TEPSIN: variants seen among roughly 807,000 people sequenced by gnomAD.
TEPSIN encodes the protein TEPSIN adaptor related protein complex 4 accessory protein.
Under a neutral mutation model 48.5 loss-of-function variants are expected in TEPSIN, and 50 were observed. The ratio of observed to expected loss-of-function variants is 1.03; its 90% CI spans 0.82 to 1.31. TEPSIN has a LOEUF of 1.31. Among genes scored for constraint, TEPSIN ranks in the 50% most tolerant of loss-of-function variants. TEPSIN has a pLI of 0.00. For missense variants in TEPSIN, 838 were observed against 815.9 expected (o/e 1.03, Z -0.33); for synonymous variants, 392 against 358.8 (o/e 1.09, Z -1.05).
chr17:81,230,906 GC>G lies in TEPSIN; in HGVS notation c.1099-229del. ...TACACCCCCGCTCCCAGACACCAGA[GC>G]CCTGTCTTCACCGCCTTACACCCCA... On this transcript the variant is annotated intron_variant, in intron 11 of 12. Coordinates refer to ENST00000637944, the MANE Select transcript of TEPSIN (RefSeq NM_001363764.2). This position sits in a 1 kb window ranked among gnomAD's most constrained non-coding sequence, Gnocchi z 4.2. 1.7e-6 allele frequency: 1 copy of G among 581,766 alleles called. No homozygotes were observed. The highest frequency in any genetic ancestry group is 2.9e-6 in the Non-Finnish European group (1 of 342,544). 36.0% of individuals were successfully genotyped at this position (581,766 alleles called of 1,614,324 possible).
rs1382641407 is a variant in TEPSIN, at chr17:81,229,190, G to A, written c.1520C>T (p.Ala507Val). The change falls in exon 13 of 13, where the codon GCA becomes GTA. Residue 507 changes from alanine to valine, a missense_variant. Coordinates refer to ENST00000637944, the MANE Select transcript of TEPSIN (RefSeq NM_001363764.2). ...GDPSEAEARL[A>V]ESRRWRPERI... ...TTCAGGTCTCCACCGCCTGCTTTCTGCCAGTCTGGCCTCGGCCTCGCTGGG... is the reference window on the plus strand; with the variant it reads ...TTCAGGTCTCCACCGCCTGCTTTCTACCAGTCTGGCCTCGGCCTCGCTGGG... 6.6e-7 allele frequency: 1 copy of A among 1,516,830 alleles called. No homozygotes were observed. 94.0% of individuals were successfully genotyped at this position (1,516,830 alleles called of 1,614,324 possible).
Position 81,228,380 on chromosome 17 carries a change from G to A in TEPSIN, c.*548C>T, listed in dbSNP as rs1174759334. ...CTCCAATCAGAGGCTTCGTGTGTAG[G>A]AAGCAATTACAGCCTAAAGGAGCAG... On this transcript the variant is annotated 3_prime_UTR_variant, in exon 13 of 13. Coordinates refer to ENST00000637944, the MANE Select transcript of TEPSIN (RefSeq NM_001363764.2). 6.2e-6 allele frequency: 1 copy of A among 161,030 alleles called. No homozygotes were observed. Among genetic ancestry groups the A allele is most frequent in the Non-Finnish European group, 1.3e-5 (1 of 74,480 alleles). The allele number at this position is 161,030 out of a possible 1,614,324, so 10.0% of individuals were successfully genotyped here. A position where few individuals can be genotyped will look rare whatever the true frequency, so the allele number is the denominator to read the frequency against.
Position 81,237,129 on chromosome 17 carries a change from G to A in TEPSIN, c.122-58C>T, listed in dbSNP as rs550987381. 2.5e-5 allele frequency: 38 copies of A among 1,510,186 alleles called. No homozygotes were observed. In the South Asian group the frequency reaches 3.6e-4, roughly 14 times the overall value. The allele number at this position is 1,510,186 out of a possible 1,614,324, so 93.5% of individuals were successfully genotyped here. A position where few individuals can be genotyped will look rare whatever the true frequency, so the allele number is the denominator to read the frequency against. On this transcript the variant is annotated intron_variant, in intron 2 of 12. Transcript: ENST00000637944. ...TGATGAGGGCTGCGCCAGGCCGCAGGGAGACCAGGCCATGGGGCCTCTCAG... is the reference window on the plus strand; with the variant it reads ...TGATGAGGGCTGCGCCAGGCCGCAGAGAGACCAGGCCATGGGGCCTCTCAG...
In TEPSIN at chr17:81,232,305, G is replaced by A. The variant is rs1276730361; in HGVS notation, c.730+10C>T. On this transcript the variant is annotated intron_variant, in intron 8 of 12. Transcript: ENST00000637944. ...CCAGACCCCAAGGGGAGGAGCCCTC[G>A]CCTCGATACCTCGGGGACCTGGAAT... 2.2e-5 allele frequency: 34 copies of A among 1,516,748 alleles called. No homozygotes were observed. Among genetic ancestry groups the A allele is most frequent in the Non-Finnish European group, 2.6e-5 (30 of 1,133,984 alleles). 94.0% of individuals were successfully genotyped at this position (1,516,748 alleles called of 1,614,324 possible).
In TEPSIN at chr17:81,230,832, C is replaced by A. The variant is rs112096627; in HGVS notation, c.1099-154G>T. 2,250 of 957,972 alleles carry A rather than the reference C, an allele frequency of 2.3e-3. 45 individuals are homozygous for A. In the African/African-American group the frequency reaches 0.035, roughly 15 times the overall value. 59.3% of individuals were successfully genotyped at this position (957,972 alleles called of 1,614,324 possible). A position where few individuals can be genotyped will look rare whatever the true frequency, so the allele number is the denominator to read the frequency against. On this transcript the variant is annotated intron_variant, in intron 11 of 12. Transcript: ENST00000637944. The surrounding 1 kb of genome is among the most constrained non-coding windows in gnomAD (Gnocchi z 4.2). ...CAGCTCCACCACAGCCCTGTCCTCA[C>A]CGCCTTACACCCCGGATCCCAGACA...
intron 12 of TEPSIN, chr17:81,229,715 C>G (rs544200729): frequency 1.8e-6 from 1 of 563,052 alleles, no homozygotes; most frequent in East Asian, 3.1e-5. Flanking sequence ...CACCTCGAAT[C>G]TTGCTCCTTT....
chr17:81,231,951 ATTCTGAGAGCTGGGGCCGCTGTCCAGCT>A lies in TEPSIN; in HGVS notation c.773_800del (p.Glu258ValfsTer8). On this transcript the variant is annotated frameshift_variant, in exon 9 of 13. Coordinates refer to ENST00000637944, the MANE Select transcript of TEPSIN (RefSeq NM_001363764.2). LOFTEE classifies it high-confidence loss of function. ...TGCTCAGGTCGCTGTTCTGGGAGGAATTCTGAGAGCTGGGGCCGCTGTCCAGCTCATCCCAGCCCCCTCCGGCCTGCCC... is the reference window on the plus strand; with the variant it reads ...TGCTCAGGTCGCTGTTCTGGGAGGAACATCCCAGCCCCCTCCGGCCTGCCC... 3.7e-6 allele frequency: 6 copies of A among 1,613,462 alleles called. No individual in the cohort carries two copies. Among genetic ancestry groups the A allele is most frequent in the Non-Finnish European group, 5.1e-6 (6 of 1,179,950 alleles).
At chr17:81,238,669 C>T in intron 1 of TEPSIN, 2 of 1,185,462 alleles carry the variant, frequency 1.7e-6, no homozygotes, top group Non-Finnish European at 2.1e-6. Flanking sequence ...AGCGGCTCCA[C>T]GTCCACCGGG....
intron 8 of TEPSIN, 124 bp from the exon 9 acceptor site, chr17:81,232,145 T>G (rs2062627592): frequency 3.7e-6 from 5 of 1,358,134 alleles, no homozygotes; most frequent in Non-Finnish European, 4.9e-6. Flanking sequence ...GGTGGCCACC[T>G]TGGCTCCAGC....
At position 81,228,438 on chromosome 17, in the gene TEPSIN, G is replaced by A. The variant is rs945266132; in HGVS notation, c.*490C>T. 9.2e-5 allele frequency: 19 copies of A among 206,454 alleles called. No individual in the cohort carries two copies. The highest frequency in any genetic ancestry group is 2.1e-4 in the South Asian group (3 of 14,472). 12.8% of individuals were successfully genotyped at this position (206,454 alleles called of 1,614,324 possible). A position where few individuals can be genotyped will look rare whatever the true frequency, so the allele number is the denominator to read the frequency against. ...CCAGGGAAGGATCACGTAGGGATCTGAGACTTGAAATGGCCTCAGGCCAGA... is the reference window on the plus strand; with the variant it reads ...CCAGGGAAGGATCACGTAGGGATCTAAGACTTGAAATGGCCTCAGGCCAGA... On this transcript the variant is annotated 3_prime_UTR_variant, in exon 13 of 13. Coordinates refer to ENST00000637944, the MANE Select transcript of TEPSIN (RefSeq NM_001363764.2).
chr17:81,231,295 ACAG>A (rs1449622562), intron 11 of TEPSIN, 100 bp downstream of exon 11: 5 of 1,197,978 alleles, frequency 4.2e-6, no homozygotes, highest in African/African-American at 3.0e-5. Context: ...ATGTTCACAC[ACAG>A]GTGTGCACAC....
In TEPSIN at chr17:81,231,975, C is replaced by T. The variant is rs151140575; in HGVS notation, c.777G>A (p.Leu259=). 3.9e-4 allele frequency: 633 copies of T among 1,612,548 alleles called. No individual in the cohort carries two copies. The highest frequency in any genetic ancestry group is 5.1e-4 in the Non-Finnish European group (604 of 1,179,968). ...PGQAGGGWDE[L]DSGPSSQNSS... ...AATTCTGAGAGCTGGGGCCGCTGTC[C>T]AGCTCATCCCAGCCCCCTCCGGCCT... Residue 259 remains leucine, a synonymous_variant, in exon 9 of 13, where the codon CTG becomes CTA. Transcript: ENST00000637944.
Position 81,233,899 on chromosome 17 carries a change from C to T in TEPSIN, c.375+82G>A. On this transcript the variant is annotated intron_variant, in intron 5 of 12. Coordinates refer to ENST00000637944, the MANE Select transcript of TEPSIN (RefSeq NM_001363764.2). The surrounding 1 kb of genome is among the most constrained non-coding windows in gnomAD (Gnocchi z 5.8). ...GTCCCGGATGGGAGAACTGCAAACC[C>T]CCCAGCTGACATCCTGGCCCCAATC... is the stretch of plus-strand genomic sequence containing the variant. 6.8e-7 allele frequency: 1 copy of T among 1,474,140 alleles called. No homozygotes were observed. Among genetic ancestry groups the T allele is most frequent in the Non-Finnish European group, 9.1e-7 (1 of 1,098,638 alleles). The allele number at this position is 1,474,140 out of a possible 1,614,324, so 91.3% of individuals were successfully genotyped here. A position where few individuals can be genotyped will look rare whatever the true frequency, so the allele number is the denominator to read the frequency against.
intron 2 of TEPSIN, 123 bp downstream of exon 2, chr17:81,237,264 G>C (rs1017484113): frequency 1.5e-6 from 2 of 1,292,918 alleles, no homozygotes; most frequent in African/African-American, 2.9e-5. Flanking sequence ...CCCATGCCTG[G>C]TTACAATAAT....
At chr17:81,236,863 C>A in intron 3 of TEPSIN, 62 bp from the exon 4 acceptor site, 1 of 1,540,822 alleles carries the variant, frequency 6.5e-7, no homozygotes. Context: ...AGGGCAGGGC[C>A]CGGGGGCACC....
rs1160476140 is a variant in TEPSIN, at chr17:81,230,664, G to A, written c.1113C>T (p.Ala371=). ...GGTCGCTGCTCCCCAGGGAGGCGAT[G>A]GCACACAGCGCCCTCTGCGGGTGAA... is the stretch of plus-strand genomic sequence containing the variant. The part of the protein sequence containing the change: ...SECTQLRALC[A]IASLGSSDLL... Residue 371 remains alanine (A), a synonymous_variant, in exon 12 of 13, where the codon GCC becomes GCT. Coordinates refer to ENST00000637944, the MANE Select transcript of TEPSIN (RefSeq NM_001363764.2). The surrounding 1 kb of genome is among the most constrained non-coding windows in gnomAD (Gnocchi z 4.2). The A allele has an allele frequency of 1.3e-5, 20 of 1,565,142 alleles. No individual in the cohort carries two copies. In the East Asian group the frequency reaches 4.0e-4, roughly 31 times the overall value.
At chr17:81,237,499 T>C (rs1250050681) in intron 1 of TEPSIN, 40 bp from the exon 2 acceptor site, 2 of 1,576,838 alleles carry the variant, frequency 1.3e-6, no homozygotes, top group African/African-American at 1.3e-5. Flanking sequence ...TGAGGTGCCA[T>C]TTCCCACAGG....
rs1046252445 is a variant in TEPSIN at position 81,238,987 on chromosome 17, C to T, written c.47G>A (p.Arg16Gln). The T allele has an allele frequency of 1.4e-6, 2 of 1,479,354 alleles. No homozygotes were observed. Among genetic ancestry groups the T allele is most frequent in the Non-Finnish European group, 1.8e-6 (2 of 1,121,152 alleles). The allele number at this position is 1,479,354 out of a possible 1,614,324, so 91.6% of individuals were successfully genotyped here. ...PLRDRLSFLH[R>Q]LPILLKGTSD... ...CCCGGGCGGACCGCCCTCACTCACC[C>T]GGTGTAGAAAGCTCAGGCGGTCCCG... Residue 16 changes from arginine to glutamine, a missense_variant and splice_region_variant, in exon 1 of 13, where the codon CGG becomes CAG. By Grantham distance (43) the Arg-to-Gln change is conservative. Coordinates refer to ENST00000637944, the MANE Select transcript of TEPSIN (RefSeq NM_001363764.2).
chr17:81,235,984 C>T (rs138598730), intron 4 of TEPSIN, among the ~76,000 whole-genome samples: 1 of 152,318 alleles, frequency 6.6e-6, no homozygotes, highest in Non-Finnish European at 1.5e-5. Flanking sequence ...AGCAGTGGCA[C>T]GAGACAGACT....
Sources: gnomAD v4.1 joint callset for allele counts (sites outside exome capture counted in the v4.1 genomes callset) on GRCh38, gnomAD v4.1.1 for gene constraint, Gnocchi (gnomAD v3.1) non-coding constraint, MANE v1.5 for transcripts, NCBI Gene and HGNC (gene_info 2026-07-23, HGNC 2026-07-21) for gene names.